Variants in LRBA observed in about 807,000 individuals in gnomAD.
The protein encoded by LRBA is LPS responsive beige-like anchor protein.
In LRBA, 176 loss-of-function variants were observed where a neutral mutation model predicts 330.0. The ratio of observed to expected loss-of-function variants is 0.53; its 90% CI spans 0.47 to 0.60. The LOEUF (loss-of-function observed/expected upper bound fraction) is 0.60, where lower values mean the gene tolerates loss of function less well. LRBA is among the 20% of genes least tolerant of loss of function. The probability of loss-of-function intolerance (pLI) is 0.00; values close to 1 mark genes in which losing one functional copy is unlikely to be tolerated. For synonymous variants in LRBA, 1,230 were observed against 1,193.0 expected (o/e 1.03, Z -0.64); for missense variants, 3,259 against 3,444.8 (o/e 0.95, Z 1.35).
At chr4:150,893,666 T>TTTTTTGG (rs1230142750) in intron 16 of LRBA, among the ~76,000 whole-genome samples, 3 of 151,896 alleles carry the variant, frequency 2.0e-5, no homozygotes, top group African/African-American at 7.3e-5. Flanking sequence ...AATTTCTTTG[T>TTTTTTGG]TTTTTTGTTT....
At chr4:150,685,769 T>C (rs1403244784) in intron 36 of LRBA, among the ~76,000 whole-genome samples, 3 of 151,812 alleles carry the variant, frequency 2.0e-5, no homozygotes, top group Non-Finnish European at 4.4e-5. Context: ...CAAAACACTA[T>C]GCTAGGGAGA....
chr4:150,459,527 G>A (rs1754498381), intron 44 of LRBA, among the ~76,000 whole-genome samples: 1 of 151,768 alleles, frequency 6.6e-6, no homozygotes, highest in African/African-American at 2.4e-5. Flanking sequence ...CTAAATCTTA[G>A]TTTCCTTATC....
At chr4:150,392,741 T>C (rs2151911667) in intron 47 of LRBA, among the ~76,000 whole-genome samples, 1 of 151,772 alleles carries the variant, frequency 6.6e-6, no homozygotes, top group East Asian at 1.9e-4. Context: ...GAATATGGGG[T>C]TTTCTAAATA....
intron 34 of LRBA, among the ~76,000 whole-genome samples, chr4:150,777,804 C>A (rs909592609): frequency 5.9e-5 from 9 of 151,664 alleles, no homozygotes; most frequent in Non-Finnish European, 1.3e-4. Flanking sequence ...ATGGTGAAAC[C>A]CCGTCTCTAC....
At position 150,585,888 on chromosome 4, in the gene LRBA, A is replaced by G. The variant is rs72736320; in HGVS notation, c.6330+2160T>C. Among the ~76,000 whole-genome samples, 244 of 152,304 alleles carry G rather than the reference A, an allele frequency of 1.6e-3. 1 individual carries two copies. The highest frequency in any genetic ancestry group is 3.7e-3 in the Admixed American group (56 of 15,292). On this transcript the variant is annotated intron_variant, in intron 40 of 56. Coordinates refer to ENST00000651943, the MANE Select transcript of LRBA (RefSeq NM_001364905.1). The stretch of plus-strand genomic sequence containing the variant: ...TAGATGAAAAACAAGAAAGCCACTC[A>G]GGGGTCTGAAGCCTAGTTCACTTGA...
intron 9 of LRBA, among the ~76,000 whole-genome samples, chr4:150,911,517 A>C (rs948436556): frequency 3.3e-5 from 5 of 152,126 alleles, no homozygotes; most frequent in African/African-American, 1.2e-4. Context: ...TCCATGTTGA[A>C]CCATCTTTGC....
intron 37 of LRBA, among the ~76,000 whole-genome samples, chr4:150,601,060 C>T (rs1581785354): frequency 1.3e-5 from 2 of 152,290 alleles, no homozygotes; most frequent in South Asian, 4.1e-4. Context: ...CTGAGATCTC[C>T]TACAAAGCCT....
rs147134494 is a variant in LRBA at position 150,852,110 on chromosome 4, A to G, written c.3600T>C (p.Ala1200=). 3.0e-5 allele frequency: 48 copies of G among 1,614,142 alleles called. No individual in the cohort carries two copies. Among genetic ancestry groups the G allele is most frequent in the Admixed American group, 6.7e-5 (4 of 60,022 alleles). ...MSPETTVSQI[A]VESDLGQMLE... Reference sequence around the variant, plus strand: ...GCATCTGACCAAGGTCTGATTCTACAGCTATTTGGGAAACAGTAGTTTCTG... The same window carrying G: ...GCATCTGACCAAGGTCTGATTCTACGGCTATTTGGGAAACAGTAGTTTCTG... The change falls in exon 23 of 57, where the codon GCT becomes GCC. Residue 1200 remains alanine, a synonymous_variant. Coordinates refer to ENST00000651943, the MANE Select transcript of LRBA (RefSeq NM_001364905.1).
At chr4:150,981,433 A>C (rs6535755) in intron 2 of LRBA, among the ~76,000 whole-genome samples, 142,915 of 147,756 alleles carry the variant, frequency 0.97, 69,293 homozygotes, top group Non-Finnish European at 1. Context: ...AAAAAAAATT[A>C]TAAAATTTAT....
intron 2 of LRBA, among the ~76,000 whole-genome samples, chr4:150,955,304 G>T (rs973014426): frequency 6.7e-6 from 1 of 148,730 alleles, no homozygotes; most frequent in Non-Finnish European, 1.5e-5. Flanking sequence ...AAAGAAAATA[G>T]AAAATACACT....
chr4:150,749,007 T>G (rs1733156427), intron 35 of LRBA, among the ~76,000 whole-genome samples: 1 of 152,108 alleles, frequency 6.6e-6, no homozygotes. Context: ...CCTCTAAAAC[T>G]ATGAGAAATA....
At chr4:150,956,106 C>A (rs542553112) in intron 2 of LRBA, among the ~76,000 whole-genome samples, 52 of 148,446 alleles carry the variant, frequency 3.5e-4, no homozygotes, top group Middle Eastern at 3.4e-3. Flanking sequence ...ACAACAACAA[C>A]AAAAAAATGA....
At chr4:150,790,981 C>T (rs1739821002) in intron 34 of LRBA, among the ~76,000 whole-genome samples, 1 of 152,142 alleles carries the variant, frequency 6.6e-6, no homozygotes, top group African/African-American at 2.4e-5. Context: ...TTTATATCCA[C>T]TAATTTTTTA....
chr4:150,844,246 C>T, intron 27 of LRBA, 39 bp from the exon 28 acceptor site: 1 of 925,506 alleles, frequency 1.1e-6, no homozygotes, highest in Non-Finnish European at 1.7e-6. Flanking sequence ...TATATATATT[C>T]ATATATACAT....
At chr4:150,617,858 C>A (rs530849500) in intron 37 of LRBA, among the ~76,000 whole-genome samples, 3 of 152,244 alleles carry the variant, frequency 2.0e-5, no homozygotes, top group South Asian at 4.2e-4. Context: ...GAAATCCCAG[C>A]ACTTTGGGAG....
chr4:150,934,037 C>T (rs1462070723), intron 2 of LRBA, among the ~76,000 whole-genome samples: 1 of 151,050 alleles, frequency 6.6e-6, no homozygotes, highest in South Asian at 2.1e-4. Flanking sequence ...AAAAAAAAAG[C>T]AAATGCACAA....
chr4:151,005,211 C>A (rs1743870784), intron 2 of LRBA, among the ~76,000 whole-genome samples: 1 of 151,682 alleles, frequency 6.6e-6, no homozygotes, highest in Non-Finnish European at 1.5e-5. Context: ...TTTGGGAGGT[C>A]AAGGTGGGCG....
chr4:150,991,509 C>T (rs1032474424), intron 2 of LRBA, among the ~76,000 whole-genome samples: 3 of 152,148 alleles, frequency 2.0e-5, no homozygotes, highest in African/African-American at 4.8e-5. Context: ...AATTATGCAA[C>T]GACATAGAGG....
At chr4:150,516,217 CTTTTTT>C (rs869205771) in intron 40 of LRBA, among the ~76,000 whole-genome samples, 7 of 29,444 alleles carry the variant, frequency 2.4e-4, no homozygotes, top group Admixed American at 1.4e-3. Context: ...TTTCTATTCT[CTTTTTT>C]TTTTTTTTTT....
Sources: gnomAD v4.1 joint callset for allele counts (sites outside exome capture counted in the v4.1 genomes callset) on GRCh38, gnomAD v4.1.1 for gene constraint, MANE v1.5 for transcripts, NCBI Gene and HGNC (gene_info 2026-07-23, HGNC 2026-07-21) for gene names.